The following ASTN2 variants were observed in gnomAD, a reference collection of about 807,000 sequenced individuals.
ASTN2 encodes astrotactin-2.
A neutral mutation model predicts 139.8 loss-of-function variants in ASTN2; 54 were observed. The observed-to-expected ratio is 0.39, with a 90% CI of 0.31 to 0.48. The LOEUF (loss-of-function observed/expected upper bound fraction) is 0.48. ASTN2 is among the 20% of genes least tolerant of loss of function. ASTN2 has a pLI of 0.95. For synonymous variants in ASTN2, 756 were observed against 719.5 expected, an observed-to-expected ratio of 1.05 and a Z score of -0.81; for missense variants, 1,565 against 1,725.1, an observed-to-expected ratio of 0.91 and a Z score of 1.64.
chr9:117,094,462 C>G (rs1157126904), intron 5 of ASTN2, among the ~76,000 whole-genome samples: 4 of 152,168 alleles, frequency 2.6e-5, no homozygotes, highest in Non-Finnish European at 5.9e-5. Context: ...AGCCCTAATT[C>G]TGACTGCTGG....
Position 116,800,616 on chromosome 9 carries a change from A to T in ASTN2, c.2396+5016T>A, listed in dbSNP as rs576302915. Among the ~76,000 whole-genome samples the T allele has an allele frequency of 3.9e-5, 6 of 152,306 alleles. No individual in the cohort carries two copies. In the South Asian group the frequency reaches 1.2e-3, roughly 32 times the overall value. On this transcript the variant is annotated intron_variant, in intron 13 of 22. Transcript: ENST00000313400. ...TCTACACTGAGAACAGGGATAGAAC[A>T]CATGGCTCTCCTCATCACATGCTGA... is the stretch of plus-strand genomic sequence containing the variant.
At chr9:117,015,746 T>C (rs1198657327) in intron 6 of ASTN2, among the ~76,000 whole-genome samples, 3 of 152,206 alleles carry the variant, frequency 2.0e-5, no homozygotes, top group African/African-American at 7.2e-5. Context: ...AACCTCTTTC[T>C]GTTAATTTTA....
In ASTN2 at chr9:116,460,851, G is replaced by A. The variant is rs187651483; in HGVS notation, c.3498-18298C>T. 2.8e-3 allele frequency among the ~76,000 whole-genome samples: 423 copies of A among 152,276 alleles called. 1 individual carries two copies. Among genetic ancestry groups the A allele is most frequent in the Non-Finnish European group, 4.2e-3 (288 of 68,018 alleles). ...CATCTGCCACACTGGGCTGTTAGGA[G>A]GATTCTGTAGCGTAGATAAGATGCC... On this transcript the variant is annotated intron_variant, in intron 20 of 22. Transcript: ENST00000313400.
intron 12 of ASTN2, among the ~76,000 whole-genome samples, chr9:116,814,192 T>C (rs1831247615): frequency 6.6e-6 from 1 of 152,156 alleles, no homozygotes; most frequent in Non-Finnish European, 1.5e-5. Context: ...CCAGCTTTCC[T>C]AGTGCAGAAA....
chr9:117,027,069 A>G (rs139336839), intron 6 of ASTN2, among the ~76,000 whole-genome samples: 194 of 152,320 alleles, frequency 1.3e-3, no homozygotes, highest in Middle Eastern at 3.4e-3. Context: ...GTAGTAGTTC[A>G]GGACCATTTA....
chr9:117,009,794 T>G (rs1837463100), intron 6 of ASTN2, among the ~76,000 whole-genome samples: 1 of 152,206 alleles, frequency 6.6e-6, no homozygotes, highest in Non-Finnish European at 1.5e-5. Context: ...TCAGGTCACA[T>G]CTTACTCTGC....
At chr9:117,102,159 T>C (rs1828994365) in intron 4 of ASTN2, among the ~76,000 whole-genome samples, 1 of 152,172 alleles carries the variant, frequency 6.6e-6, no homozygotes, top group Non-Finnish European at 1.5e-5. Context: ...GATGAATGGA[T>C]GAACAAAATG....
intron 6 of ASTN2, among the ~76,000 whole-genome samples, chr9:117,032,858 C>T (rs1293327200): frequency 1.3e-5 from 2 of 152,140 alleles, no homozygotes; most frequent in Non-Finnish European, 2.9e-5. Context: ...ATACTCAGAT[C>T]CCAAATATCT....
At chr9:116,911,387 A>G (rs540522272) in intron 10 of ASTN2, among the ~76,000 whole-genome samples, 1 of 152,330 alleles carries the variant, frequency 6.6e-6, no homozygotes, top group South Asian at 2.1e-4. Flanking sequence ...ATGACAAACA[A>G]ATGAAGACTG....
intron 13 of ASTN2, among the ~76,000 whole-genome samples, chr9:116,771,769 G>T (rs1829958976): frequency 6.6e-6 from 1 of 152,206 alleles, no homozygotes; most frequent in Non-Finnish European, 1.5e-5. Flanking sequence ...TGGATCAAGT[G>T]CCAGGCTCTC....
chr9:117,343,291 T>G (rs895005809), intron 1 of ASTN2, among the ~76,000 whole-genome samples: 5 of 152,210 alleles, frequency 3.3e-5, no homozygotes, highest in Admixed American at 2.6e-4. Flanking sequence ...TTTATCAGAA[T>G]TTTATAGTTA....
At chr9:117,353,678 A>G (rs975201474) in intron 1 of ASTN2, among the ~76,000 whole-genome samples, 2 of 151,998 alleles carry the variant, frequency 1.3e-5, no homozygotes, top group Non-Finnish European at 2.9e-5. Context: ...ATTTTAGTTC[A>G]CCTTTACCTC....
chr9:116,426,931 G>A (rs16933542), intron 22 of ASTN2, among the ~76,000 whole-genome samples: 2,810 of 152,180 alleles, frequency 0.018, 89 homozygotes, highest in African/African-American at 0.059. Flanking sequence ...GCTGGAATGC[G>A]CCCTCAGGAT....
chr9:116,833,090 T>C (rs1481477316), intron 11 of ASTN2, among the ~76,000 whole-genome samples: 1 of 152,096 alleles, frequency 6.6e-6, no homozygotes, highest in African/African-American at 2.4e-5. Context: ...CCTTAATAGT[T>C]ATAGGGCTTT....
At chr9:117,038,268 A>G (rs2132645268) in intron 6 of ASTN2, among the ~76,000 whole-genome samples, 1 of 152,332 alleles carries the variant, frequency 6.6e-6, no homozygotes, top group East Asian at 1.9e-4. Context: ...AGACTGGCAA[A>G]TAGAGGGTAA....
chr9:117,019,101 C>T (rs951569513), intron 6 of ASTN2, among the ~76,000 whole-genome samples: 6 of 151,924 alleles, frequency 3.9e-5, no homozygotes, highest in African/African-American at 1.5e-4. Flanking sequence ...TGTCAACATA[C>T]ATCTCTCATT....
At chr9:116,471,616 G>C (rs1256805947) in intron 20 of ASTN2, among the ~76,000 whole-genome samples, 1 of 151,932 alleles carries the variant, frequency 6.6e-6, no homozygotes, top group African/African-American at 2.4e-5. Context: ...GTGGAGGGAG[G>C]GGGGAATTCA....
chr9:117,218,667 A>G (rs1832411940), intron 2 of ASTN2, among the ~76,000 whole-genome samples: 1 of 152,208 alleles, frequency 6.6e-6, no homozygotes, highest in South Asian at 2.1e-4. Context: ...ATTCAAGTTT[A>G]CTTACTTTCT....
At chr9:116,463,908 GTT>G (rs71502069) in intron 20 of ASTN2, among the ~76,000 whole-genome samples, 6 of 115,914 alleles carry the variant, frequency 5.2e-5, no homozygotes, top group Non-Finnish European at 8.8e-5. Context: ...AGAGTTTTGT[GTT>G]TTTTTTTTTT....
Sources: allele counts gnomAD v4.1 joint callset (sites outside exome capture counted in the v4.1 genomes callset), GRCh38; gene constraint gnomAD v4.1.1; transcripts MANE v1.5; gene names NCBI Gene and HGNC (gene_info 2026-07-23, HGNC 2026-07-21).